Variants in COL4A1 observed in about 807,000 individuals in gnomAD.
COL4A1 encodes collagen type IV alpha 1 chain, also known as collagen alpha-1(IV) chain.
In COL4A1, 40 loss-of-function variants were observed where a neutral mutation model predicts 216.6. The observed-to-expected ratio is 0.18, with a 90% CI of 0.14 to 0.24. The LOEUF (loss-of-function observed/expected upper bound fraction) is 0.24, where lower values mean the gene tolerates loss of function less well. COL4A1 is among the 10% of genes least tolerant of loss of function. The pLI is 1.00. For synonymous variants in COL4A1, 839 were observed against 810.7 expected, an observed-to-expected ratio of 1.03 and a Z score of -0.59; for missense variants, 1,628 against 2,196.8, an observed-to-expected ratio of 0.74 and a Z score of 5.18.
At chr13:110,165,058 G>A (rs993636742) in intron 45 of COL4A1, 68 bp from the exon 46 acceptor site, 5 of 1,565,412 alleles carry the variant, frequency 3.2e-6, no homozygotes, top group Non-Finnish European at 4.3e-6. Context: ...AACTTTAGAA[G>A]GAGAATCCCG....
intron 2 of COL4A1, among the ~76,000 whole-genome samples, chr13:110,238,897 GA>G (rs1003785651): frequency 2.5e-4 from 38 of 152,238 alleles, no homozygotes; most frequent in African/African-American, 8.9e-4. Flanking sequence ...TCACTCAAAA[GA>G]AGAGCTTAAC....
intron 12 of COL4A1, 128 bp downstream of exon 12, chr13:110,208,721 A>G: frequency 1.1e-6 from 1 of 916,012 alleles, no homozygotes; most frequent in East Asian, 2.4e-5. Flanking sequence ...ACTAACTACC[A>G]AATGCAAGAA....
At chr13:110,219,816 A>ATGTGTATATATGTATATATG (rs1232077645) in intron 2 of COL4A1, among the ~76,000 whole-genome samples, 1 of 133,286 alleles carries the variant, frequency 7.5e-6, no homozygotes, top group African/African-American at 2.8e-5. Flanking sequence ...ATGTGTATAT[A>ATGTGTATATATGTATATATG]TGTATATATA....
intron 1 of COL4A1, among the ~76,000 whole-genome samples, chr13:110,244,888 G>A (rs532567356): frequency 2.0e-4 from 31 of 152,274 alleles, no homozygotes; most frequent in Non-Finnish European, 3.8e-4. Context: ...ATTATCAATT[G>A]TTAGATCTAT....
At position 110,174,474 on chromosome 13, in the gene COL4A1, A is replaced by T. The variant is rs1010708250; in HGVS notation, c.3378T>A (p.Asp1126Glu). 3.1e-6 allele frequency: 5 copies of T among 1,614,040 alleles called. No homozygotes were observed. Among genetic ancestry groups the T allele is most frequent in the Non-Finnish European group, 4.2e-6 (5 of 1,180,036 alleles). Reference protein sequence around the residue: ...EKGDKGLPGLDGIPGVKGEAG... With the variant: ...EKGDKGLPGLEGIPGVKGEAG... The stretch of plus-strand genomic sequence containing the variant: ...CTTCTCCTTTGACACCAGGGATGCC[A>T]TCCAATCCTGGGAGGCCTTTGTCAC... Residue 1126 changes from aspartate to glutamate, a missense_variant, in exon 39 of 52, where the codon GAT (aspartate) becomes GAA (glutamate). Physicochemically the swap from Asp to Glu is conservative, Grantham distance 45. This residue lies in a region of COL4A1 where 345 missense variants were observed against 476.9 expected (regional missense o/e 0.72). Coordinates refer to ENST00000375820, the MANE Select transcript of COL4A1 (RefSeq NM_001845.6).
intron 1 of COL4A1, among the ~76,000 whole-genome samples, chr13:110,243,264 A>G (rs145667039): frequency 1.5e-3 from 231 of 152,360 alleles, no homozygotes; most frequent in Non-Finnish European, 2.7e-3. Context: ...TTTGAATTCA[A>G]TTAAAGCTTG....
intron 48 of COL4A1, among the ~76,000 whole-genome samples, chr13:110,161,741 T>A (rs986939536): frequency 2.0e-5 from 3 of 152,184 alleles, no homozygotes; most frequent in Non-Finnish European, 4.4e-5. Context: ...AAAACACAGT[T>A]TGGTGGAGGA....
chr13:110,237,092 C>T (rs1027494476), intron 2 of COL4A1, among the ~76,000 whole-genome samples: 1 of 152,174 alleles, frequency 6.6e-6, no homozygotes, highest in Non-Finnish European at 1.5e-5. Flanking sequence ...CAGTCCTCCC[C>T]GTCCCGACCC....
intron 2 of COL4A1, among the ~76,000 whole-genome samples, chr13:110,227,897 G>T (rs553928939): frequency 6.6e-5 from 10 of 152,284 alleles, no homozygotes; most frequent in African/African-American, 2.4e-4. Flanking sequence ...TCGGGTCTCC[G>T]GGGAGGCCCG....
In COL4A1 at chr13:110,212,015, T is replaced by C. The variant is rs41275100; in HGVS notation, c.388-93A>G. On this transcript the variant is annotated intron_variant, in intron 6 of 51. Coordinates refer to ENST00000375820, the MANE Select transcript of COL4A1 (RefSeq NM_001845.6). ...TGCATCACTCTGCCCTACCCTTCAT[T>C]TGTTGGTTAAAATCATTTCCTAAAA... The C allele has an allele frequency of 1.1e-5, 14 of 1,281,650 alleles. No individual in the cohort carries two copies. In the African/African-American group the frequency reaches 2.0e-4, roughly 19 times the overall value. 79.4% of individuals were successfully genotyped at this position (1,281,650 alleles called of 1,614,324 possible).
intron 33 of COL4A1, 105 bp from the exon 34 acceptor site, chr13:110,177,142 C>T: frequency 2.6e-6 from 4 of 1,558,828 alleles, no homozygotes; most frequent in Non-Finnish European, 3.5e-6. Flanking sequence ...AAAAAGGCTA[C>T]AAAGCACTCA....
chr13:110,230,820 A>T (rs1881015179), intron 2 of COL4A1, among the ~76,000 whole-genome samples: 1 of 152,238 alleles, frequency 6.6e-6, no homozygotes, highest in Admixed American at 6.5e-5. Flanking sequence ...CCACGTGCAG[A>T]GGCGGAAGCA....
chr13:110,167,584 A>G (rs1436804086), intron 43 of COL4A1, among the ~76,000 whole-genome samples: 1 of 152,228 alleles, frequency 6.6e-6, no homozygotes, highest in East Asian at 1.9e-4. Flanking sequence ...ACGGCAACAT[A>G]GCCATCCAGC....
rs1368656620 is a variant in COL4A1 at position 110,186,380 on chromosome 13, C to T, written c.1897+5G>A. On this transcript the variant is annotated splice_donor_5th_base_variant and intron_variant, in intron 26 of 51. Transcript: ENST00000375820. The stretch of plus-strand genomic sequence containing the variant: ...ATGCTGCATCACGAGTTTCTCAGGC[C>T]TCACCTGGCAGGCCTGGGGATCCAG... The T allele has an allele frequency of 6.2e-7, 1 of 1,613,014 alleles. No individual in the cohort carries two copies. The highest frequency in any genetic ancestry group is 2.2e-5 in the East Asian group (1 of 44,884).
chr13:110,240,344 C>G (rs939664979), intron 2 of COL4A1, among the ~76,000 whole-genome samples: 2 of 152,220 alleles, frequency 1.3e-5, no homozygotes, highest in African/African-American at 4.8e-5. Flanking sequence ...GGAAACCTGG[C>G]TAAGGCCACA....
intron 1 of COL4A1, among the ~76,000 whole-genome samples, chr13:110,249,177 C>G (rs1022236589): frequency 6.6e-6 from 1 of 152,070 alleles, no homozygotes. Context: ...TTGTGATGAC[C>G]TTCTGCGGGG....
intron 50 of COL4A1, 21 bp downstream of exon 50, chr13:110,155,262 G>A (rs1459614534): frequency 3.8e-6 from 6 of 1,576,960 alleles, no homozygotes; most frequent in South Asian, 1.1e-5. Flanking sequence ...CGGGAAATAT[G>A]GCGTCTCCCC....
chr13:110,267,450 G>A (rs1883087652), intron 1 of COL4A1, among the ~76,000 whole-genome samples: 1 of 152,104 alleles, frequency 6.6e-6, no homozygotes, highest in Non-Finnish European at 1.5e-5. Context: ...AGCACCTTCT[G>A]GTGGTTGTAC....
At chr13:110,272,881 G>C (rs1462229545) in intron 1 of COL4A1, among the ~76,000 whole-genome samples, 1 of 152,180 alleles carries the variant, frequency 6.6e-6, no homozygotes, top group Non-Finnish European at 1.5e-5. Flanking sequence ...CCATCAATAA[G>C]GTGCCCATGG....
Sources: allele counts gnomAD v4.1 joint callset (sites outside exome capture counted in the v4.1 genomes callset), GRCh38; gene constraint gnomAD v4.1.1; regional missense constraint gnomAD v4.1.1; transcripts MANE v1.5; gene names NCBI Gene and HGNC (gene_info 2026-07-23, HGNC 2026-07-21).